The following LASP1 variants were observed in gnomAD, a reference collection of about 807,000 sequenced individuals.
LASP1 encodes LIM and SH3 protein 1, also known as LIM and SH3 domain protein 1.
LASP1 carries 10 observed loss-of-function variants against 38.6 expected under a neutral mutation model. The ratio of observed to expected loss-of-function variants is 0.26; its 90% CI spans 0.16 to 0.44. The LOEUF (loss-of-function observed/expected upper bound fraction) is 0.44, where lower values mean the gene tolerates loss of function less well. Among genes scored for constraint, LASP1 ranks in the 20% least tolerant of loss-of-function variants. The probability of loss-of-function intolerance (pLI) is 1.00; values close to 1 mark genes in which losing one functional copy is unlikely to be tolerated. For missense variants in LASP1, 243 were observed against 375.7 expected (o/e 0.65, Z 2.92); for synonymous variants, 132 against 140.8 (o/e 0.94, Z 0.44).
At chr17:38,890,343 G>T (rs1343724578) in intron 2 of LASP1, 77 bp from the exon 3 acceptor site, 2 of 1,367,054 alleles carry the variant, frequency 1.5e-6, no homozygotes, top group Non-Finnish European at 2.1e-6. Flanking sequence ...TTCCCAGGAG[G>T]GCATGCTCTG....
At chr17:38,889,680 A>G (rs575022302) in intron 2 of LASP1, among the ~76,000 whole-genome samples, 1 of 152,356 alleles carries the variant, frequency 6.6e-6, no homozygotes, top group East Asian at 1.9e-4. Context: ...TCCCATCCCC[A>G]AGATGTCTCA....
intron 4 of LASP1, among the ~76,000 whole-genome samples, chr17:38,912,825 A>G (rs912478379): frequency 6.6e-6 from 1 of 152,204 alleles, no homozygotes; most frequent in African/African-American, 2.4e-5. Flanking sequence ...TCAGTTGGCT[A>G]AGAGGACTGA....
At chr17:38,898,724 T>C (rs769199613) in intron 4 of LASP1, 1 of 642,044 alleles carries the variant, frequency 1.6e-6, no homozygotes, top group South Asian at 1.5e-5. Context: ...GCATAGCATT[T>C]TCTTCTTGAA....
chr17:38,883,444 C>T (rs11658448), intron 2 of LASP1, among the ~76,000 whole-genome samples: 33,558 of 152,022 alleles, frequency 0.22, 4,120 homozygotes, highest in African/African-American at 0.28. Context: ...CACTGGGGCC[C>T]AGGGCTTTCC....
intron 3 of LASP1, among the ~76,000 whole-genome samples, chr17:38,894,135 G>A (rs532572866): frequency 2.5e-3 from 378 of 152,170 alleles, no homozygotes; most frequent in Middle Eastern, 0.01. Flanking sequence ...CAGGGGGCTG[G>A]CAGCTGGACC....
intron 1 of LASP1, among the ~76,000 whole-genome samples, chr17:38,870,862 C>T (rs1913586658): frequency 1.3e-5 from 2 of 152,210 alleles, no homozygotes; most frequent in South Asian, 4.1e-4. Context: ...ACCTGCACCC[C>T]CTTGGATTCA....
At chr17:38,872,148 G>T (rs1352431) in intron 1 of LASP1, among the ~76,000 whole-genome samples, 1 of 152,128 alleles carries the variant, frequency 6.6e-6, no homozygotes, top group South Asian at 2.1e-4. Flanking sequence ...ATGTCTCTAG[G>T]CCTCAGTATT....
At chr17:38,900,444 G>A (rs1175100586) in intron 4 of LASP1, among the ~76,000 whole-genome samples, 1 of 151,418 alleles carries the variant, frequency 6.6e-6, no homozygotes, top group African/African-American at 2.4e-5. Context: ...AGAGGCTGAG[G>A]TGGGCGGATC....
intron 4 of LASP1, among the ~76,000 whole-genome samples, chr17:38,906,593 C>T (rs1416218285): frequency 6.6e-6 from 1 of 151,890 alleles, no homozygotes; most frequent in Non-Finnish European, 1.5e-5. Flanking sequence ...CATGTAAGGG[C>T]ACCCAAAAAA....
At position 38,920,234 on chromosome 17, in the gene LASP1, G is replaced by C. The variant is rs1260906011; in HGVS notation, c.*1456G>C. 4.3e-6 allele frequency: 2 copies of C among 469,476 alleles called. No homozygotes were observed. The highest frequency in any genetic ancestry group is 4.0e-5 in the East Asian group (1 of 25,138). 29.1% of individuals were successfully genotyped at this position (469,476 alleles called of 1,614,324 possible). ...CATATGTTTCCCCATCTCTGTCTGG[G>C]GCTACAGAATAGGGTGGCAGAAGTG... On this transcript the variant is annotated 3_prime_UTR_variant, in exon 7 of 7. Transcript: ENST00000318008.
rs1915225103 is a variant in LASP1 at position 38,919,146 on chromosome 17, G to T, written c.*368G>T. The T allele has an allele frequency of 3.3e-6, 1 of 302,468 alleles. No homozygotes were observed. The highest frequency in any genetic ancestry group is 5.2e-5 in the East Asian group (1 of 19,080). The allele number at this position is 302,468 out of a possible 1,614,324, so 18.7% of individuals were successfully genotyped here. ...ACATACCCACACATTCCAGGGCTGGGGTGAGCCTGACTGCCAGGACCCCAG... is the reference window on the plus strand; with the variant it reads ...ACATACCCACACATTCCAGGGCTGGTGTGAGCCTGACTGCCAGGACCCCAG... On this transcript the variant is annotated 3_prime_UTR_variant, in exon 7 of 7. Coordinates refer to ENST00000318008, the MANE Select transcript of LASP1 (RefSeq NM_006148.4).
At chr17:38,884,003 G>C (rs1357040793) in intron 2 of LASP1, among the ~76,000 whole-genome samples, 1 of 151,520 alleles carries the variant, frequency 6.6e-6, no homozygotes, top group Non-Finnish European at 1.5e-5. Flanking sequence ...GCTCTTTCTA[G>C]AGGCAGGATG....
At chr17:38,893,011 G>A (rs868279968) in intron 3 of LASP1, among the ~76,000 whole-genome samples, 109 of 152,224 alleles carry the variant, frequency 7.2e-4, no homozygotes, top group African/African-American at 2.1e-3. Context: ...GTGTGTGTGT[G>A]TGTGCAAGCA....
At chr17:38,886,066 C>G (rs1420829050) in intron 2 of LASP1, among the ~76,000 whole-genome samples, 1 of 152,096 alleles carries the variant, frequency 6.6e-6, no homozygotes, top group Non-Finnish European at 1.5e-5. Flanking sequence ...GTGCCTCTTC[C>G]TCAACCCCCG....
At position 38,921,030 on chromosome 17, in the gene LASP1, T is replaced by G. The variant is rs1303091569; in HGVS notation, c.*2252T>G. On this transcript the variant is annotated 3_prime_UTR_variant, in exon 7 of 7. Coordinates refer to ENST00000318008, the MANE Select transcript of LASP1 (RefSeq NM_006148.4). ...AGTCATGGAATCTTGCTGCAGGCCCTCCCTCTACTCTTCCTGTCCTAAAAA... is the reference window on the plus strand; with the variant it reads ...AGTCATGGAATCTTGCTGCAGGCCCGCCCTCTACTCTTCCTGTCCTAAAAA... 1 of 231,466 alleles carries G rather than the reference T, an allele frequency of 4.3e-6. No homozygotes were observed. The highest frequency in any genetic ancestry group is 8.6e-6 in the Non-Finnish European group (1 of 116,836). The allele number at this position is 231,466 out of a possible 1,614,324, so 14.3% of individuals were successfully genotyped here.
chr17:38,882,035 A>AC (rs1490558208), intron 2 of LASP1, among the ~76,000 whole-genome samples: 1 of 152,168 alleles, frequency 6.6e-6, no homozygotes, highest in Non-Finnish European at 1.5e-5. Flanking sequence ...GCGGACCCCC[A>AC]CATGCGTGCA....
At chr17:38,876,379 G>C (rs1265902416) in intron 1 of LASP1, among the ~76,000 whole-genome samples, 2 of 148,868 alleles carry the variant, frequency 1.3e-5, no homozygotes, top group African/African-American at 5.0e-5. Context: ...ATTTATTTTT[G>C]AGATTAAGTC....
intron 4 of LASP1, among the ~76,000 whole-genome samples, chr17:38,911,812 G>C (rs1299273746): frequency 6.6e-6 from 1 of 151,764 alleles, no homozygotes; most frequent in African/African-American, 2.4e-5. Flanking sequence ...TTGAGACAGA[G>C]TCACGGAGTC....
chr17:38,872,816 C>T (rs1873050), intron 1 of LASP1, among the ~76,000 whole-genome samples: 68,856 of 152,026 alleles, frequency 0.45, 16,369 homozygotes, highest in Middle Eastern at 0.59. Context: ...CTCCCTGAGC[C>T]TTATCTCCCA....
Sources: allele counts gnomAD v4.1 joint callset (sites outside exome capture counted in the v4.1 genomes callset), GRCh38; gene constraint gnomAD v4.1.1; transcripts MANE v1.5; gene names NCBI Gene and HGNC (gene_info 2026-07-23, HGNC 2026-07-21).